Variants in TNNI3K observed in about 807,000 individuals in gnomAD.
The protein encoded by TNNI3K is serine/threonine-protein kinase TNNI3K.
A neutral mutation model predicts 114.5 loss-of-function variants in TNNI3K; 140 were observed. The observed-to-expected ratio is 1.22, with a 90% CI of 1.07 to 1.41. The LOEUF (loss-of-function observed/expected upper bound fraction) is 1.41, where lower values mean the gene tolerates loss of function less well. Ranked by LOEUF, TNNI3K falls within the 40% of genes most tolerant of loss-of-function variation. TNNI3K has a pLI of 0.00. For synonymous variants in TNNI3K, 347 were observed against 347.5 expected (o/e 1.00, Z 0.02); for missense variants, 1,125 against 1,007.6 (o/e 1.12, Z -1.58).
Position 74,439,531 on chromosome 1 carries a change from T to C in TNNI3K, c.1920T>C (p.Thr640=). The C allele has an allele frequency of 6.2e-7, 1 of 1,613,510 alleles. No individual in the cohort carries two copies. Among genetic ancestry groups the C allele is most frequent in the Non-Finnish European group, 8.5e-7 (1 of 1,179,658 alleles). The change falls in exon 20 of 25, where the codon ACT becomes ACC. Residue 640 remains threonine (T), a synonymous_variant. Coordinates refer to ENST00000326637, the MANE Select transcript of TNNI3K (RefSeq NM_015978.3). Reference sequence around the variant, plus strand: ...CTCCTGAGGTGTTCACGCAGTGCACTCGGTACACCATCAAAGCAGATGTCT... The same window carrying C: ...CTCCTGAGGTGTTCACGCAGTGCACCCGGTACACCATCAAAGCAGATGTCT... ...WMAPEVFTQC[T]RYTIKADVFS... is the part of the protein sequence containing the mutation.
intron 4 of TNNI3K, among the ~76,000 whole-genome samples, chr1:74,269,239 A>G (rs1656198014): frequency 1.3e-5 from 2 of 151,984 alleles, no homozygotes; most frequent in South Asian, 4.1e-4. Flanking sequence ...GCTACTGTAT[A>G]GCAATTTCTT....
intron 2 of TNNI3K, among the ~76,000 whole-genome samples, chr1:74,244,019 G>A (rs1654401038): frequency 6.6e-6 from 1 of 152,030 alleles, no homozygotes; most frequent in Admixed American, 6.6e-5. Context: ...AGAGAAAATG[G>A]AATTTCTCTC....
At chr1:74,444,284 A>G (rs1666527270) in intron 20 of TNNI3K, among the ~76,000 whole-genome samples, 2 of 151,318 alleles carry the variant, frequency 1.3e-5, no homozygotes, top group African/African-American at 4.8e-5. Context: ...CCAAAAACCT[A>G]TTGTCTCAGT....
chr1:74,471,601 A>G, intron 21 of TNNI3K: 2 of 400,760 alleles, frequency 5.0e-6, no homozygotes, highest in East Asian at 3.6e-5. Flanking sequence ...TTTAACATCC[A>G]ACTTAGTCAG....
chr1:74,367,132 A>C (rs1027880485), intron 11 of TNNI3K, 124 bp from the exon 12 acceptor site: 1 of 888,280 alleles, frequency 1.1e-6, no homozygotes, highest in Admixed American at 2.6e-5. Context: ...TTCTATTGCA[A>C]TACATTACCT....
chr1:74,235,980 TTTAAA>T, intron 1 of TNNI3K, 117 bp from the exon 2 acceptor site: 2 of 601,030 alleles, frequency 3.3e-6, no homozygotes, highest in Non-Finnish European at 5.5e-6. Flanking sequence ...CAATCAGTAA[TTTAAA>T]TTAAGTATTG....
At chr1:74,465,025 C>G in intron 21 of TNNI3K, 1 of 1,096,854 alleles carries the variant, frequency 9.1e-7, no homozygotes, top group East Asian at 5.6e-5. Flanking sequence ...AAAACATTTT[C>G]TTGTATTTCA....
intron 5 of TNNI3K, among the ~76,000 whole-genome samples, chr1:74,283,399 T>C (rs1657133326): frequency 6.6e-6 from 1 of 152,164 alleles, no homozygotes; most frequent in Non-Finnish European, 1.5e-5. Context: ...TCTTTAAACA[T>C]GTATCAATTG....
At chr1:74,451,271 C>T (rs1666980610) in intron 20 of TNNI3K, among the ~76,000 whole-genome samples, 1 of 151,866 alleles carries the variant, frequency 6.6e-6, no homozygotes, top group African/African-American at 2.4e-5. Context: ...GGGAGAGCAC[C>T]AGGAAAAATA....
At chr1:74,486,096 A>G (rs945136123) in intron 21 of TNNI3K, among the ~76,000 whole-genome samples, 1 of 151,922 alleles carries the variant, frequency 6.6e-6, no homozygotes, top group African/African-American at 2.4e-5. Context: ...AATACACTCC[A>G]GTTGCCCTGA....
chr1:74,522,291 C>A (rs45555731), intron 23 of TNNI3K, among the ~76,000 whole-genome samples: 1,715 of 152,190 alleles, frequency 0.011, 42 homozygotes, highest in African/African-American at 0.04. Context: ...TTGCTAAGAG[C>A]CAGAATCCAA....
chr1:74,349,031 A>G (rs1199532476), intron 9 of TNNI3K, among the ~76,000 whole-genome samples: 1 of 152,086 alleles, frequency 6.6e-6, no homozygotes, highest in African/African-American at 2.4e-5. Context: ...TTCCAACGCT[A>G]TGTTGAATAG....
At chr1:74,335,869 A>G (rs1660436620) in intron 6 of TNNI3K, 142 bp from the exon 7 acceptor site, 1 of 813,350 alleles carries the variant, frequency 1.2e-6, no homozygotes, top group Non-Finnish European at 1.8e-6. Flanking sequence ...CAACCCTAGA[A>G]TTGTTCCAGT....
chr1:74,506,677 T>C (rs1402747503), intron 23 of TNNI3K, among the ~76,000 whole-genome samples: 1 of 152,226 alleles, frequency 6.6e-6, no homozygotes, highest in East Asian at 1.9e-4. Context: ...CTGCCGAATC[T>C]GCATTTTAAC....
chr1:74,336,199 C>A, intron 7 of TNNI3K, 50 bp downstream of exon 7: 1 of 1,556,810 alleles, frequency 6.4e-7, no homozygotes, highest in Non-Finnish European at 8.6e-7. Flanking sequence ...TTTATGTATA[C>A]CTTTTACTTG....
chr1:74,465,236 C>T (rs985245047), intron 21 of TNNI3K, among the ~76,000 whole-genome samples: 2 of 152,172 alleles, frequency 1.3e-5, no homozygotes, highest in African/African-American at 4.8e-5. Flanking sequence ...TCTGGGCTGG[C>T]CGAGGCCGGA....
chr1:74,510,612 G>T (rs920506103), intron 23 of TNNI3K, among the ~76,000 whole-genome samples: 2 of 152,144 alleles, frequency 1.3e-5, no homozygotes, highest in Non-Finnish European at 2.9e-5. Context: ...TCTATAATTT[G>T]TTCAAAACTA....
chr1:74,300,097 T>C (rs1002332123), intron 5 of TNNI3K, among the ~76,000 whole-genome samples: 3 of 152,154 alleles, frequency 2.0e-5, no homozygotes, highest in African/African-American at 7.2e-5. Flanking sequence ...TTTATCACTT[T>C]TGTGGCAGGA....
chr1:74,238,620 G>A (rs1442358637), intron 2 of TNNI3K, among the ~76,000 whole-genome samples: 1 of 152,036 alleles, frequency 6.6e-6, no homozygotes, highest in Admixed American at 6.6e-5. Context: ...CTGAAATATA[G>A]CTTTTAATGA....
Sources: gnomAD v4.1 joint callset for allele counts (sites outside exome capture counted in the v4.1 genomes callset) on GRCh38, gnomAD v4.1.1 for gene constraint, MANE v1.5 for transcripts, NCBI Gene and HGNC (gene_info 2026-07-23, HGNC 2026-07-21) for gene names.